The following PTPRN2 variants were observed in gnomAD, a reference collection of about 807,000 sequenced individuals.
PTPRN2 encodes protein tyrosine phosphatase receptor type N2.
A neutral mutation model predicts 118.8 loss-of-function variants in PTPRN2; 74 were observed. The ratio of observed to expected loss-of-function variants is 0.62; its 90% CI spans 0.52 to 0.76. PTPRN2 has a LOEUF of 0.76. Among genes scored for constraint, PTPRN2 ranks in the 30% least tolerant of loss-of-function variants. PTPRN2 has a pLI of 0.00. For synonymous variants in PTPRN2, 641 were observed against 608.0 expected (o/e 1.05, Z -0.80); for missense variants, 1,481 against 1,394.4 (o/e 1.06, Z -0.99).
chr7:158,023,927 G>A (rs1477342532), intron 11 of PTPRN2, among the ~76,000 whole-genome samples: 1 of 151,500 alleles, frequency 6.6e-6, no homozygotes, highest in Non-Finnish European at 1.5e-5. Context: ...CACACTCGCA[G>A]GCACACACAT....
intron 12 of PTPRN2, among the ~76,000 whole-genome samples, chr7:157,743,935 GTCC>G (rs1475177558): frequency 6.6e-6 from 1 of 152,238 alleles, no homozygotes; most frequent in Non-Finnish European, 1.5e-5. Context: ...AGCTCCCTGT[GTCC>G]TCTTTGCACG....
chr7:158,418,088 A>T (rs7811497), intron 2 of PTPRN2, among the ~76,000 whole-genome samples: 1 of 135,546 alleles, frequency 7.4e-6, no homozygotes, highest in Admixed American at 7.5e-5. Context: ...TCAGTGTCCC[A>T]CTGTGTTAAG....
At position 157,779,852 on chromosome 7, in the gene PTPRN2, T is replaced by C. The variant is rs1803567972; in HGVS notation, c.1789-96915A>G. Among the ~76,000 whole-genome samples the C allele has an allele frequency of 6.6e-6, 1 of 152,176 alleles. No individual in the cohort carries two copies. Among genetic ancestry groups the C allele is most frequent in the Non-Finnish European group, 1.5e-5 (1 of 68,032 alleles). On this transcript the variant is annotated intron_variant, in intron 12 of 22. Transcript: ENST00000389418. This position sits in a 1 kb window ranked among gnomAD's most constrained non-coding sequence, Gnocchi z 4.7. ...CCCTGGTTGCTGAAAATGAGCAGTG[T>C]GTGTCCTCCCAAGCAGGGCTGGGAC...
At position 158,188,218 on chromosome 7, in the gene PTPRN2, TGGGGAAGGCCGCCACGCTTGCCCCGCG is replaced by T. The variant is rs1563576545; in HGVS notation, c.549+4082_549+4108del. On this transcript the variant is annotated intron_variant, in intron 5 of 22. Coordinates refer to ENST00000389418, the MANE Select transcript of PTPRN2 (RefSeq NM_002847.5). ...GAAGGCCGCCACGCTCGCCGCCTGA[TGGGGAAGGCCGCCACGCTTGCCCCGCG>T]ATGGGGAAGGCCGCCACGCTCGCCC... is the stretch of plus-strand genomic sequence containing the variant. 9.7e-4 allele frequency among the ~76,000 whole-genome samples: 40 copies of T among 41,158 alleles called. 1 individual carries two copies. Among genetic ancestry groups the T allele is most frequent in the East Asian group, 4.5e-3 (5 of 1,112 alleles). The allele number at this position is 41,158 out of a possible 152,430, so 27.0% of individuals were successfully genotyped here.
At chr7:158,333,313 C>G (rs1310471222) in intron 2 of PTPRN2, among the ~76,000 whole-genome samples, 1 of 140,608 alleles carries the variant, frequency 7.1e-6, no homozygotes, top group Admixed American at 6.9e-5. Flanking sequence ...CTGCAGACGT[C>G]ACTCACACCC....
intron 12 of PTPRN2, among the ~76,000 whole-genome samples, chr7:157,718,847 C>T (rs1049432667): frequency 3.9e-5 from 6 of 152,176 alleles, no homozygotes; most frequent in Non-Finnish European, 7.4e-5. Context: ...TTCCAGTGTC[C>T]GACCTCTGGG....
rs1390293119 is a variant in PTPRN2 at position 157,646,976 on chromosome 7, T to C, written c.2196+9381A>G. Among the ~76,000 whole-genome samples, 752 of 122,368 alleles carry C rather than the reference T, an allele frequency of 6.1e-3. 12 individuals are homozygous for C. The East Asian group carries it at 0.1, about 17-fold the overall frequency. The allele number at this position is 122,368 out of a possible 152,430, so 80.3% of individuals were successfully genotyped here. A position where few individuals can be genotyped will look rare whatever the true frequency, so the allele number is the denominator to read the frequency against. On this transcript the variant is annotated intron_variant, in intron 14 of 22. Coordinates refer to ENST00000389418, the MANE Select transcript of PTPRN2 (RefSeq NM_002847.5). ...ACTGAACTCGGTGGGTTGGACCCATTCACTGTGCACTGAACTCGGTGGGTC... is the reference window on the plus strand; with the variant it reads ...ACTGAACTCGGTGGGTTGGACCCATCCACTGTGCACTGAACTCGGTGGGTC...
chr7:157,615,604 G>C lies in PTPRN2; in HGVS notation c.2344+5758C>G, dbSNP rs1475570330. The C allele has an allele frequency of 4.2e-6, 2 of 471,256 alleles. No homozygotes were observed. The highest frequency in any genetic ancestry group is 8.8e-6 in the Non-Finnish European group (2 of 227,080). The allele number at this position is 471,256 out of a possible 1,614,324, so 29.2% of individuals were successfully genotyped here. On this transcript the variant is annotated intron_variant, in intron 15 of 22. Coordinates refer to ENST00000389418, the MANE Select transcript of PTPRN2 (RefSeq NM_002847.5). The surrounding 1 kb of genome is among the most constrained non-coding windows in gnomAD (Gnocchi z 4.3). The stretch of plus-strand genomic sequence containing the variant: ...AGTCCCGCGGTGGATCCGCGTCACG[G>C]GGGAGGATTGGCTCAGCACTGGTCC...
At chr7:157,692,145 C>T (rs796526787) in intron 12 of PTPRN2, among the ~76,000 whole-genome samples, 17 of 152,284 alleles carry the variant, frequency 1.1e-4, no homozygotes, top group Non-Finnish European at 1.8e-4. Flanking sequence ...CCCTCCTAGG[C>T]CCCCCTCTCC....
At chr7:158,538,899 C>A (rs1413715245) in intron 1 of PTPRN2, among the ~76,000 whole-genome samples, 1 of 152,168 alleles carries the variant, frequency 6.6e-6, no homozygotes, top group Non-Finnish European at 1.5e-5. Context: ...CACCCAAACT[C>A]ACAGGTGGGC....
chr7:158,302,427 A>G (rs1361441460), intron 3 of PTPRN2, among the ~76,000 whole-genome samples: 4 of 152,226 alleles, frequency 2.6e-5, no homozygotes, highest in Non-Finnish European at 5.9e-5. Context: ...AGAGCACCTC[A>G]CAGGATCAGC....
intron 13 of PTPRN2, among the ~76,000 whole-genome samples, chr7:157,677,520 T>C (rs17837795): frequency 0.043 from 6,623 of 152,270 alleles, 248 homozygotes; most frequent in East Asian, 0.13. Context: ...GTACACTGCT[T>C]TTGGAAACTG....
intron 1 of PTPRN2, among the ~76,000 whole-genome samples, chr7:158,534,469 G>T (rs968174998): frequency 6.6e-6 from 1 of 152,202 alleles, no homozygotes; most frequent in East Asian, 1.9e-4. Flanking sequence ...CATGCCACAG[G>T]CTTCATCAGG....
At chr7:158,047,171 G>A (rs1808942413) in intron 11 of PTPRN2, among the ~76,000 whole-genome samples, 1 of 152,192 alleles carries the variant, frequency 6.6e-6, no homozygotes, top group South Asian at 2.1e-4. Context: ...GCTACTTTCT[G>A]AGGAACACAC....
intron 2 of PTPRN2, among the ~76,000 whole-genome samples, chr7:158,348,863 GCCCACGTCACTGCAC>G (rs1807731904): frequency 6.6e-6 from 1 of 152,070 alleles, no homozygotes; most frequent in Admixed American, 6.5e-5. Context: ...GCTGAGGGTG[GCCCACGTCACTGCAC>G]CCCTGGGTGG....
intron 11 of PTPRN2, among the ~76,000 whole-genome samples, chr7:157,993,905 C>T (rs559248930): frequency 2.6e-5 from 4 of 152,250 alleles, no homozygotes; most frequent in African/African-American, 9.6e-5. Flanking sequence ...TCAGTGGCCC[C>T]CCATGCACTG....
At chr7:157,663,202 C>T (rs1015859491) in intron 13 of PTPRN2, among the ~76,000 whole-genome samples, 34 of 152,078 alleles carry the variant, frequency 2.2e-4, no homozygotes, top group African/African-American at 7.5e-4. Context: ...GCAGGGGTGG[C>T]AAGGGGCGAA....
At position 157,775,841 on chromosome 7, in the gene PTPRN2, CTG is replaced by C. The variant is rs376920432; in HGVS notation, c.1789-92906_1789-92905del. 4.0e-4 allele frequency among the ~76,000 whole-genome samples: 61 copies of C among 152,248 alleles called. 1 individual carries two copies. In the South Asian group the frequency reaches 0.012, roughly 31 times the overall value. Reference sequence around the variant, plus strand: ...CCAAGTAAGCCTGGCGTGGCCAGAACTGTGTTTCTTGAGTTGTTTGAGCCGTT... The same window carrying C: ...CCAAGTAAGCCTGGCGTGGCCAGAACTGTTTCTTGAGTTGTTTGAGCCGTT... On this transcript the variant is annotated intron_variant, in intron 12 of 22. Transcript: ENST00000389418.
At chr7:158,084,766 C>T (rs1251511766) in intron 10 of PTPRN2, among the ~76,000 whole-genome samples, 2 of 140,572 alleles carry the variant, frequency 1.4e-5, no homozygotes, top group African/African-American at 5.4e-5. Flanking sequence ...CCCATACACT[C>T]CGACACTCAT....
Sources: allele counts gnomAD v4.1 joint callset (sites outside exome capture counted in the v4.1 genomes callset), GRCh38; gene constraint gnomAD v4.1.1; non-coding constraint Gnocchi (gnomAD v3.1); transcripts MANE v1.5; gene names NCBI Gene and HGNC (gene_info 2026-07-23, HGNC 2026-07-21).